The following CNKSR2 variants were observed in gnomAD, a reference collection of about 807,000 sequenced individuals.
CNKSR2 encodes connector enhancer of kinase suppressor of Ras 2, also known as CNK homolog protein 2.
CNKSR2 carries 14 observed loss-of-function variants against 84.4 expected under a neutral mutation model. That is an observed-to-expected ratio of 0.17 (90% CI 0.11 to 0.26). The LOEUF (loss-of-function observed/expected upper bound fraction) is 0.26, where lower values mean the gene tolerates loss of function less well. CNKSR2 is among the 10% of genes least tolerant of loss of function. The probability of loss-of-function intolerance (pLI) is 1.00; values close to 1 mark genes in which losing one functional copy is unlikely to be tolerated. For missense variants in CNKSR2, 485 were observed against 771.2 expected (o/e 0.63, Z 4.40); for synonymous variants, 275 against 277.9 (o/e 0.99, Z 0.10).
chrX:21,525,943 G>A (rs2091831002), intron 9 of CNKSR2, among the ~76,000 whole-genome samples: 1 of 110,837 alleles, frequency 9.0e-6, no homozygotes, highest in East Asian at 2.8e-4. Context: ...ATTAAGATCT[G>A]TAAGATAAAC....
At chrX:21,421,659 A>G (rs1338988915) in intron 1 of CNKSR2, among the ~76,000 whole-genome samples, 3 of 111,180 alleles carry the variant, frequency 2.7e-5, no homozygotes, top group Non-Finnish European at 3.8e-5. Flanking sequence ...ATTCTATGGT[A>G]ATCTTTTTTT....
intron 7 of CNKSR2, 29 bp from the exon 8 acceptor site, chrX:21,501,491 C>T: frequency 9.9e-7 from 1 of 1,007,283 alleles, no homozygotes; most frequent in Non-Finnish European, 1.4e-6. Flanking sequence ...AATTTATGTT[C>T]TTTATCGTTT....
chrX:21,568,605 T>C (rs1394325737), intron 13 of CNKSR2, among the ~76,000 whole-genome samples: 1 of 111,855 alleles, frequency 8.9e-6, no homozygotes, highest in East Asian at 2.8e-4. Context: ...GTGGCTTTTT[T>C]TGATGGAGGG....
intron 1 of CNKSR2, among the ~76,000 whole-genome samples, chrX:21,419,370 A>G (rs1235340053): frequency 3.6e-5 from 4 of 111,015 alleles, no homozygotes; most frequent in Non-Finnish European, 5.7e-5. Flanking sequence ...GAAATGTCAC[A>G]TATCTTTTGT....
chrX:21,622,200 T>C (rs1381677714), intron 20 of CNKSR2, among the ~76,000 whole-genome samples: 7 of 111,351 alleles, frequency 6.3e-5, no homozygotes, highest in Non-Finnish European at 1.3e-4. Context: ...CTTTTTATCA[T>C]TGATATTTTC....
chrX:21,445,304 T>C (rs775509359), intron 4 of CNKSR2, among the ~76,000 whole-genome samples: 2 of 111,246 alleles, frequency 1.8e-5, no homozygotes, highest in Non-Finnish European at 3.8e-5. Context: ...TTTCACTTTT[T>C]TCTTTTATTT....
chrX:21,392,133 G>C (rs1354009596), intron 1 of CNKSR2, among the ~76,000 whole-genome samples: 1 of 110,251 alleles, frequency 9.1e-6, no homozygotes, highest in Admixed American at 9.5e-5. Flanking sequence ...CAGCATTTTG[G>C]TTACAATCAT....
intron 3 of CNKSR2, among the ~76,000 whole-genome samples, chrX:21,433,486 T>A (rs2090662814): frequency 9.0e-6 from 1 of 111,460 alleles, no homozygotes; most frequent in Non-Finnish European, 1.9e-5. Flanking sequence ...ACTAAACAAA[T>A]TCTCTACTTT....
chrX:21,572,826 C>T lies in CNKSR2; in HGVS notation c.1608+9374C>T, dbSNP rs756950812. 2.7e-4 allele frequency among the ~76,000 whole-genome samples: 30 copies of T among 111,198 alleles called. No homozygotes were observed. In the East Asian group the frequency reaches 7.6e-3, roughly 28 times the overall value. On this transcript the variant is annotated intron_variant, in intron 13 of 21. Transcript: ENST00000379510. ...GGAACACAGCCAAACCATATCATTA[C>T]GCCCTTAGCCCCTCCCAAATTTCAT... is the stretch of plus-strand genomic sequence containing the variant.
chrX:21,492,293 C>T (rs1222328496), intron 6 of CNKSR2: 2 of 111,282 alleles, frequency 1.8e-5, no homozygotes, highest in Non-Finnish European at 3.8e-5. Flanking sequence ...AGAGGTAGAT[C>T]TGGGAACTTA....
chrX:21,417,720 C>T (rs1203893120), intron 1 of CNKSR2, among the ~76,000 whole-genome samples: 1 of 111,467 alleles, frequency 9.0e-6, no homozygotes, highest in Non-Finnish European at 1.9e-5. Context: ...TATAGCTACT[C>T]CTGCTCTTTT....
chrX:21,619,833 C>G (rs2092594061), intron 20 of CNKSR2, among the ~76,000 whole-genome samples: 1 of 110,247 alleles, frequency 9.1e-6, no homozygotes. Context: ...AATGCCAACA[C>G]ACATGGGTTC....
At chrX:21,574,290 T>A (rs2092305005) in intron 13 of CNKSR2, among the ~76,000 whole-genome samples, 1 of 112,190 alleles carries the variant, frequency 8.9e-6, no homozygotes, top group South Asian at 3.7e-4. Flanking sequence ...GTTACCCAGT[T>A]CCAAAGTCAG....
At chrX:21,574,941 T>C (rs2092309409) in intron 13 of CNKSR2, among the ~76,000 whole-genome samples, 1 of 112,205 alleles carries the variant, frequency 8.9e-6, no homozygotes, top group African/African-American at 3.2e-5. Context: ...GGTTGCTTGC[T>C]TTACCCTCTA....
intron 10 of CNKSR2, among the ~76,000 whole-genome samples, chrX:21,527,814 A>G (rs1036590761): frequency 2.3e-4 from 25 of 109,911 alleles, no homozygotes; most frequent in African/African-American, 6.2e-4. Context: ...CAATAATTTA[A>G]GGTCTCTTGT....
At chrX:21,592,747 C>T (rs1188691374) in intron 15 of CNKSR2, 1 of 111,105 alleles carries the variant, frequency 9.0e-6, no homozygotes, top group African/African-American at 3.3e-5. Flanking sequence ...AAAATACCCT[C>T]TGCTTCGCTA....
At chrX:21,446,876 C>T (rs2090863142) in intron 4 of CNKSR2, among the ~76,000 whole-genome samples, 1 of 111,247 alleles carries the variant, frequency 9.0e-6, no homozygotes, top group African/African-American at 3.3e-5. Context: ...CAAAAGAATG[C>T]ATATATGTAT....
At chrX:21,516,712 C>A in intron 9 of CNKSR2, 81 bp downstream of exon 9, 1 of 898,144 alleles carries the variant, frequency 1.1e-6, no homozygotes, top group Non-Finnish European at 1.6e-6. Context: ...TGTGCCTCAT[C>A]TCAGCAGCAT....
At chrX:21,470,321 T>C (rs942604584) in intron 4 of CNKSR2, among the ~76,000 whole-genome samples, 1 of 111,690 alleles carries the variant, frequency 9.0e-6, no homozygotes, top group Non-Finnish European at 1.9e-5. Flanking sequence ...AATATAAAAG[T>C]ATTTGAGATT....
Sources: gnomAD v4.1 joint callset for allele counts (sites outside exome capture counted in the v4.1 genomes callset) on GRCh38, gnomAD v4.1.1 for gene constraint, MANE v1.5 for transcripts, NCBI Gene and HGNC (gene_info 2026-07-23, HGNC 2026-07-21) for gene names.